PCDH15: variants seen among roughly 807,000 people sequenced by gnomAD.
PCDH15 encodes protocadherin-15.
Under a neutral mutation model 178.5 loss-of-function variants are expected in PCDH15, and 129 were observed. The observed-to-expected ratio is 0.72, with a 90% CI of 0.63 to 0.84. The LOEUF (loss-of-function observed/expected upper bound fraction) is 0.84. PCDH15 is among the 40% of genes least tolerant of loss of function. The probability of loss-of-function intolerance (pLI) is 0.00; values close to 1 mark genes in which losing one functional copy is unlikely to be tolerated. For missense variants in PCDH15, 2,230 were observed against 2,099.9 expected (o/e 1.06, Z -1.21); for synonymous variants, 800 against 732.0 (o/e 1.09, Z -1.50).
At chr10:55,306,582 T>C (rs1384128031) in intron 1 of PCDH15, among the ~76,000 whole-genome samples, 1 of 152,190 alleles carries the variant, frequency 6.6e-6, no homozygotes, top group South Asian at 2.1e-4. Flanking sequence ...TTCTATAAAT[T>C]TCAAGTGTCA....
chr10:55,111,024 T>C (rs1837488438), intron 2 of PCDH15, among the ~76,000 whole-genome samples: 2 of 152,168 alleles, frequency 1.3e-5, no homozygotes, highest in South Asian at 4.1e-4. Flanking sequence ...AACTTTGTTT[T>C]GCCTAAATTT....
intron 1 of PCDH15, among the ~76,000 whole-genome samples, chr10:55,253,699 T>A (rs1841909703): frequency 6.6e-6 from 1 of 152,124 alleles, no homozygotes; most frequent in African/African-American, 2.4e-5. Flanking sequence ...CATTCAGCAA[T>A]GCACATAAAG....
chr10:54,191,785 G>A (rs896314452), intron 11 of PCDH15, among the ~76,000 whole-genome samples: 1 of 151,282 alleles, frequency 6.6e-6, no homozygotes, highest in East Asian at 1.9e-4. Flanking sequence ...GCTAGGCATG[G>A]TGGTACAAGC....
At chr10:53,900,077 A>G (rs747600933) in intron 26 of PCDH15, among the ~76,000 whole-genome samples, 1 of 152,156 alleles carries the variant, frequency 6.6e-6, no homozygotes, top group African/African-American at 2.4e-5. Context: ...CCTCCAGGAA[A>G]CCTTTATGTT....
intron 15 of PCDH15, among the ~76,000 whole-genome samples, chr10:54,107,413 G>C (rs1293722909): frequency 6.6e-6 from 1 of 152,222 alleles, no homozygotes; most frequent in African/African-American, 2.4e-5. Context: ...GGTATGGGCT[G>C]TGGTCTGGTA....
intron 27 of PCDH15, among the ~76,000 whole-genome samples, chr10:53,860,224 A>G (rs2079013504): frequency 6.6e-6 from 1 of 152,168 alleles, no homozygotes; most frequent in Non-Finnish European, 1.5e-5. Context: ...AATATTTGGT[A>G]ATCAGAAGTA....
intron 33 of PCDH15, among the ~76,000 whole-genome samples, chr10:53,818,799 T>C (rs1179920118): frequency 6.6e-6 from 1 of 152,024 alleles, no homozygotes; most frequent in Non-Finnish European, 1.5e-5. Context: ...AATCAATCAG[T>C]GTAATGAAGA....
At chr10:53,828,207 C>CAAAAAAAAAAAAAAAAAAAAAAAAA (rs71004480) in intron 31 of PCDH15, among the ~76,000 whole-genome samples, 2 of 53,754 alleles carry the variant, frequency 3.7e-5, no homozygotes, top group African/African-American at 1.4e-4. Context: ...AAGTCCGTCT[C>CAAAAAAAAAAAAAAAAAAAAAAAAA]AAAAAAAAAA....
chr10:54,006,100 G>A (rs2092378287), intron 20 of PCDH15, among the ~76,000 whole-genome samples: 1 of 152,124 alleles, frequency 6.6e-6, no homozygotes, highest in African/African-American at 2.4e-5. Context: ...CCATGGGAGA[G>A]ATTCTTTACT....
intron 1 of PCDH15, among the ~76,000 whole-genome samples, chr10:54,693,853 G>A (rs116462478): frequency 0.014 from 2,117 of 152,204 alleles, 42 homozygotes; most frequent in African/African-American, 0.046. Flanking sequence ...ACTACTTACT[G>A]AGTGAAATGT....
At chr10:54,560,631 A>G (rs1031398186) in intron 2 of PCDH15, among the ~76,000 whole-genome samples, 2 of 152,082 alleles carry the variant, frequency 1.3e-5, no homozygotes, top group African/African-American at 4.8e-5. Flanking sequence ...TTCAATAATC[A>G]TGTATAAAGG....
At chr10:54,752,476 C>CAAAAAAAAAAAAAAAAAA (rs755874514) in intron 1 of PCDH15, among the ~76,000 whole-genome samples, 3 of 89,764 alleles carry the variant, frequency 3.3e-5, no homozygotes, top group Non-Finnish European at 7.5e-5. Flanking sequence ...GACTCCGTCT[C>CAAAAAAAAAAAAAAAAAA]AAAAAAAAAA....
chr10:54,618,426 C>A (rs909906563), intron 2 of PCDH15, among the ~76,000 whole-genome samples: 1 of 152,044 alleles, frequency 6.6e-6, no homozygotes, highest in East Asian at 1.9e-4. Flanking sequence ...CAGGTAAACT[C>A]ATTCTCAGCA....
chr10:54,130,525 T>TACAGCC (rs1195253385), intron 15 of PCDH15, among the ~76,000 whole-genome samples: 1 of 152,144 alleles, frequency 6.6e-6, no homozygotes, highest in African/African-American at 2.4e-5. Context: ...ATGCCATCAA[T>TACAGCC]ACAGCCGTCA....
At chr10:54,593,650 T>C (rs1468056874) in intron 2 of PCDH15, among the ~76,000 whole-genome samples, 1 of 152,192 alleles carries the variant, frequency 6.6e-6, no homozygotes. Context: ...AGCTATTTGC[T>C]ATTTGGAGTT....
In PCDH15 at chr10:53,806,797, T is replaced by C. The variant is rs765996066; in HGVS notation, c.5005A>G (p.Thr1669Ala). ...FSTEKMNARP[T>A]LVTFAPCPVG... ...GGGCAAGGGGCAAATGTAACCAGAG[T>C]TGGTCTTGCATTCATTTTTTCAGTA... The change falls in exon 38 of 38, where the codon ACT (threonine) becomes GCT (alanine). Residue 1669 changes from threonine to alanine, a missense_variant. Physicochemically the swap from Thr to Ala is moderately conservative, Grantham distance 58 (BLOSUM62 0). Coordinates refer to ENST00000644397, the MANE Select transcript of PCDH15 (RefSeq NM_001384140.1). 4.3e-6 allele frequency: 7 copies of C among 1,613,596 alleles called. No homozygotes were observed. Among genetic ancestry groups the C allele is most frequent in the South Asian group, 1.1e-5 (1 of 91,082 alleles).
At chr10:54,412,912 A>C (rs187901617) in intron 3 of PCDH15, among the ~76,000 whole-genome samples, 7 of 152,256 alleles carry the variant, frequency 4.6e-5, no homozygotes, top group Admixed American at 3.9e-4. Context: ...TACAAGCTAG[A>C]TGATAAGGAC....
At chr10:54,342,630 T>A (rs1942463693) in intron 6 of PCDH15, among the ~76,000 whole-genome samples, 2 of 152,126 alleles carry the variant, frequency 1.3e-5, no homozygotes, top group Admixed American at 1.3e-4. Flanking sequence ...CACTGTCTCC[T>A]CCAGATCCTA....
At chr10:54,751,829 C>G (rs1296569706) in intron 1 of PCDH15, among the ~76,000 whole-genome samples, 1 of 152,094 alleles carries the variant, frequency 6.6e-6, no homozygotes, top group African/African-American at 2.4e-5. Context: ...AGATTAGCAA[C>G]AAATTTACAA....
Sources: gnomAD v4.1 joint callset for allele counts (sites outside exome capture counted in the v4.1 genomes callset) on GRCh38, gnomAD v4.1.1 for gene constraint, MANE v1.5 for transcripts, NCBI Gene and HGNC (gene_info 2026-07-23, HGNC 2026-07-21) for gene names.